The following CELF1 variants were observed in gnomAD, a reference collection of about 807,000 sequenced individuals.
CELF1 encodes 50 kDa nuclear polyadenylated RNA-binding protein.
A neutral mutation model predicts 61.8 loss-of-function variants in CELF1; 10 were observed. The observed-to-expected ratio is 0.16, with a 90% CI of 0.10 to 0.27. The LOEUF is 0.27. Among genes scored for constraint, CELF1 ranks in the 10% least tolerant of loss-of-function variants. The probability of loss-of-function intolerance (pLI) is 1.00; values close to 1 mark genes in which losing one functional copy is unlikely to be tolerated. For synonymous variants in CELF1, 236 were observed against 225.1 expected (o/e 1.05, Z -0.43); for missense variants, 380 against 639.1 (o/e 0.59, Z 4.37).
intron 14 of CELF1, among the ~76,000 whole-genome samples, 172 bp downstream of exon 14, chr11:47,472,916 C>T (rs1183650391): frequency 6.6e-6 from 1 of 152,166 alleles, no homozygotes; most frequent in African/African-American, 2.4e-5. Flanking sequence ...GAAATCCTTA[C>T]CTCCACTACA....
At position 47,517,729 on chromosome 11, in the gene CELF1, T is replaced by C. The variant is rs139981478; in HGVS notation, c.-153-16797A>G. ...GTACAATGGCGCAATATTGGCTCAC[T>C]GCAACCTCCGCCTCCCGGGTTCAAG... On this transcript the variant is annotated intron_variant, in intron 1 of 14. Transcript: ENST00000687097. 5.5e-3 allele frequency among the ~76,000 whole-genome samples: 839 copies of C among 152,118 alleles called. 8 individuals are homozygous for C. Among genetic ancestry groups the C allele is most frequent in the African/African-American group, 0.02 (811 of 41,502 alleles).
intron 1 of CELF1, among the ~76,000 whole-genome samples, chr11:47,526,447 A>T (rs958153137): frequency 1.3e-5 from 2 of 152,252 alleles, no homozygotes; most frequent in Admixed American, 1.3e-4. Flanking sequence ...AATGTTTCAT[A>T]GTATGAGATT....
chr11:47,517,736 T>A lies in CELF1; in HGVS notation c.-153-16804A>T, dbSNP rs1484134673. Among the ~76,000 whole-genome samples the A allele has an allele frequency of 2.6e-5, 4 of 151,748 alleles. No individual in the cohort carries two copies. The East Asian group carries it at 7.8e-4, about 29-fold the overall frequency. On this transcript the variant is annotated intron_variant, in intron 1 of 14. Coordinates refer to ENST00000687097, the MANE Select transcript of CELF1 (RefSeq NM_001376376.1). ...GGCGCAATATTGGCTCACTGCAACC[T>A]CCGCCTCCCGGGTTCAAGCAATTCT...
At position 47,499,459 on chromosome 11, in the gene CELF1, C is replaced by T; in HGVS notation, c.65G>A (p.Ser22Asn). 1 of 1,535,544 alleles carries T rather than the reference C, an allele frequency of 6.5e-7. No individual in the cohort carries two copies. The highest frequency in any genetic ancestry group is 2.4e-5 in the East Asian group (1 of 40,916). ...MMVDHCSLNS[S>N]PVSKKMNGTL... ...AGACAACAAAAATACTTACACGGGA[C>T]TGGAATTCAAAGAGCAATGATCCAC... The change falls in exon 3 of 15, where the codon AGT (serine) becomes AAT (asparagine). Residue 22 changes from serine (S) to asparagine (N), a missense_variant. By Grantham distance (46) the Ser-to-Asn change is conservative. Transcript: ENST00000687097.
At chr11:47,514,329 T>C (rs900140060) in intron 1 of CELF1, among the ~76,000 whole-genome samples, 1 of 152,130 alleles carries the variant, frequency 6.6e-6, no homozygotes, top group Non-Finnish European at 1.5e-5. Context: ...AAGCAGCCAT[T>C]ATTAAAGGAT....
At chr11:47,487,618 G>T (rs1360584470) in intron 4 of CELF1, among the ~76,000 whole-genome samples, 3 of 152,188 alleles carry the variant, frequency 2.0e-5, no homozygotes, top group Non-Finnish European at 2.9e-5. Flanking sequence ...TTTGCAGCCT[G>T]TAGTCTACCA....
At chr11:47,486,455 G>A (rs887385062) in intron 6 of CELF1, among the ~76,000 whole-genome samples, 47 of 151,842 alleles carry the variant, frequency 3.1e-4, no homozygotes, top group Admixed American at 5.2e-4. Context: ...TGTTGCCTGG[G>A]CGGGAGTACA....
intron 3 of CELF1, 103 bp from the exon 4 acceptor site, chr11:47,489,127 A>T (rs191352408): frequency 1.0e-6 from 1 of 992,196 alleles, no homozygotes; most frequent in East Asian, 3.1e-5. Flanking sequence ...ACGTAAGGGA[A>T]AAAAAATCTA....
chr11:47,489,935 G>GTTTTTGTTTTTTTTTTTTTTT (rs1555170253), intron 3 of CELF1, among the ~76,000 whole-genome samples: 1 of 48,226 alleles, frequency 2.1e-5, no homozygotes, highest in Non-Finnish European at 3.9e-5. Context: ...ATACCATCTT[G>GTTTTTGTTTTTTTTTTTTTTT]TTTTTTTTTT....
At chr11:47,532,000 T>C (rs1362020953) in intron 1 of CELF1, among the ~76,000 whole-genome samples, 1 of 152,118 alleles carries the variant, frequency 6.6e-6, no homozygotes, top group Admixed American at 6.6e-5. Context: ...GAAAAACATT[T>C]GGGAATTTTT....
chr11:47,511,176 A>G (rs968848992), intron 1 of CELF1, among the ~76,000 whole-genome samples: 3 of 152,178 alleles, frequency 2.0e-5, no homozygotes, highest in Non-Finnish European at 4.4e-5. Flanking sequence ...ACAGAGCAAG[A>G]TCGTCTCAAA....
upstream of CELF1, among the ~76,000 whole-genome samples, chr11:47,553,494 A>AC (rs1315810613): frequency 6.6e-6 from 1 of 152,222 alleles, no homozygotes; most frequent in Non-Finnish European, 1.5e-5. Context: ...GCAAGGAGGC[A>AC]CCCCTACTGG....
chr11:47,553,770 AT>A (rs1439284337), upstream of CELF1, among the ~76,000 whole-genome samples: 1 of 151,732 alleles, frequency 6.6e-6, no homozygotes, highest in Non-Finnish European at 1.5e-5. Context: ...TAAGAGACCG[AT>A]TGCCCAGCCA....
At chr11:47,558,808 A>AAT (rs1299107804) in intron 2 of CELF1, among the ~76,000 whole-genome samples, 1 of 124,726 alleles carries the variant, frequency 8.0e-6, no homozygotes, top group Non-Finnish European at 1.6e-5. Context: ...TGCAGCCAAT[A>AAT]ATATATATAT....
Position 47,475,458 on chromosome 11 carries a change from A to G in CELF1, c.1151T>C (p.Met384Thr), listed in dbSNP as rs1419883775. 1.2e-6 allele frequency: 2 copies of G among 1,614,060 alleles called. No individual in the cohort carries two copies. The highest frequency in any genetic ancestry group is 1.7e-6 in the Non-Finnish European group (2 of 1,180,032). ...SGLSNGTGSTMEALTQAYSGI... is the reference protein window; with the variant it reads ...SGLSNGTGSTTEALTQAYSGI... The stretch of plus-strand genomic sequence containing the variant: ...CGAGTAGGCCTGAGTGAGGGCCTCC[A>G]TGGTGCTCCCGGTGCCATTGGAAAG... Residue 384 changes from methionine (M) to threonine (T), a missense_variant, in exon 13 of 15, where the codon ATG becomes ACG. Physicochemically the swap from Met to Thr is moderately conservative, Grantham distance 81. Coordinates refer to ENST00000687097, the MANE Select transcript of CELF1 (RefSeq NM_001376376.1).
Position 47,489,935 on chromosome 11 carries a change from GTTTTTT to G in CELF1, c.72-917_72-912del, listed in dbSNP as rs561900704. Among the ~76,000 whole-genome samples, 10 of 48,226 alleles carry G rather than the reference GTTTTTT, an allele frequency of 2.1e-4. 1 individual carries two copies. The highest frequency in any genetic ancestry group is 9.8e-4 in the South Asian group (1 of 1,018). 31.6% of individuals were successfully genotyped at this position (48,226 alleles called of 152,430 possible). A position where few individuals can be genotyped will look rare whatever the true frequency, so the allele number is the denominator to read the frequency against. On this transcript the variant is annotated intron_variant, in intron 3 of 14. Transcript: ENST00000687097. ...GTTTCCACTCAGAACATACCATCTT[GTTTTTT>G]TTTTTTTTTTTTTTGAGACGGAATT... is the stretch of plus-strand genomic sequence containing the variant.
intron 1 of CELF1, among the ~76,000 whole-genome samples, chr11:47,552,229 T>C (rs1027379540): frequency 2.0e-4 from 30 of 152,190 alleles, no homozygotes; most frequent in Non-Finnish European, 4.1e-4. Context: ...CCCTCAACTA[T>C]GGGTATGAGC....
intron 1 of CELF1, among the ~76,000 whole-genome samples, chr11:47,564,621 C>T (rs1281199611): frequency 2.0e-5 from 3 of 151,082 alleles, no homozygotes; most frequent in Non-Finnish European, 4.4e-5. Flanking sequence ...GGTGAAACCT[C>T]GTCTCTACTA....
intron 3 of CELF1, chr11:47,494,346 C>T (rs1023262403): frequency 1.0e-6 from 1 of 972,850 alleles, no homozygotes; most frequent in Non-Finnish European, 1.2e-6. Context: ...GAGGTAGTTA[C>T]TCTCATTGTT....
Sources: gnomAD v4.1 joint callset for allele counts (sites outside exome capture counted in the v4.1 genomes callset) on GRCh38, gnomAD v4.1.1 for gene constraint, MANE v1.5 for transcripts, NCBI Gene and HGNC (gene_info 2026-07-23, HGNC 2026-07-21) for gene names.